HTR4: variants seen among roughly 807,000 people sequenced by gnomAD.
HTR4 encodes the protein 5-hydroxytryptamine receptor 4.
A neutral mutation model predicts 36.8 loss-of-function variants in HTR4; 16 were observed. The observed-to-expected ratio is 0.43, with a 90% CI of 0.29 to 0.66. HTR4 has a LOEUF of 0.66. Among genes scored for constraint, HTR4 ranks in the 30% least tolerant of loss-of-function variants. HTR4 has a pLI of 0.13. For synonymous variants in HTR4, 189 were observed against 185.1 expected (o/e 1.02, Z -0.17); for missense variants, 438 against 490.9 (o/e 0.89, Z 1.02).
chr5:148,580,935 A>T (rs1761107185), intron 2 of HTR4, among the ~76,000 whole-genome samples: 1 of 151,044 alleles, frequency 6.6e-6, no homozygotes, highest in African/African-American at 2.4e-5. Flanking sequence ...TTTTTTGAGG[A>T]CCCTCCATAC....
At chr5:148,590,289 T>A (rs1210162797) in intron 2 of HTR4, among the ~76,000 whole-genome samples, 2 of 37,156 alleles carry the variant, frequency 5.4e-5, no homozygotes, top group African/African-American at 3.4e-4. Flanking sequence ...TTTCTTTTCT[T>A]TTTTTTTTTT....
chr5:148,603,217 T>C (rs1762056400), intron 2 of HTR4, among the ~76,000 whole-genome samples: 1 of 152,044 alleles, frequency 6.6e-6, no homozygotes, highest in East Asian at 1.9e-4. Context: ...ATAATAGTTA[T>C]TTCATCATTG....
intron 2 of HTR4, among the ~76,000 whole-genome samples, chr5:148,591,677 G>C (rs1427968110): frequency 6.6e-6 from 1 of 152,126 alleles, no homozygotes; most frequent in Non-Finnish European, 1.5e-5. Flanking sequence ...AGACAAACAT[G>C]CTGCCAACAA....
At chr5:148,586,456 A>G (rs867279) in intron 2 of HTR4, among the ~76,000 whole-genome samples, 44,566 of 151,684 alleles carry the variant, frequency 0.29, 9,425 homozygotes, top group African/African-American at 0.6. Context: ...ATATTAGTCC[A>G]TTTTCACACA....
chr5:148,540,508 T>C (rs567862816), intron 4 of HTR4, among the ~76,000 whole-genome samples: 2 of 146,910 alleles, frequency 1.4e-5, no homozygotes, highest in South Asian at 4.3e-4. Context: ...AAAAAATAGG[T>C]GTGATTTGGC....
chr5:148,548,586 A>G, intron 4 of HTR4, 82 bp downstream of exon 4: 1 of 1,093,038 alleles, frequency 9.1e-7, no homozygotes, highest in Non-Finnish European at 1.4e-6. Flanking sequence ...TCTAATGAAT[A>G]AGAAAAGGCA....
intron 5 of HTR4, among the ~76,000 whole-genome samples, chr5:148,468,681 A>G (rs1755494125): frequency 1.3e-5 from 2 of 152,124 alleles, no homozygotes; most frequent in Non-Finnish European, 1.5e-5. Flanking sequence ...AGTGTATTTT[A>G]TTTATTCTGC....
At chr5:148,478,637 A>T (rs962357467), downstream of HTR4, among the ~76,000 whole-genome samples, 2 of 152,146 alleles carry the variant, frequency 1.3e-5, no homozygotes, top group Non-Finnish European at 2.9e-5. Flanking sequence ...TCCCAAGAAC[A>T]TTCCATCCAG....
At chr5:148,639,902 A>G (rs549827203) in intron 1 of HTR4, among the ~76,000 whole-genome samples, 13 of 152,246 alleles carry the variant, frequency 8.5e-5, no homozygotes, top group African/African-American at 3.1e-4. Flanking sequence ...ATTGTAATTT[A>G]AAGAATAGCA....
At chr5:148,543,489 T>C (rs1028838792) in intron 4 of HTR4, among the ~76,000 whole-genome samples, 4 of 152,138 alleles carry the variant, frequency 2.6e-5, no homozygotes, top group Non-Finnish European at 4.4e-5. Flanking sequence ...AGCAAGTTGG[T>C]AAAAACATTA....
At chr5:148,561,333 C>T (rs1005104016) in intron 2 of HTR4, among the ~76,000 whole-genome samples, 2 of 152,104 alleles carry the variant, frequency 1.3e-5, no homozygotes, top group Non-Finnish European at 2.9e-5. Flanking sequence ...TTTCTGAGGC[C>T]ATGCCTGAAT....
intron 5 of HTR4, among the ~76,000 whole-genome samples, chr5:148,458,179 A>G (rs1037268516): frequency 1.4e-5 from 2 of 146,528 alleles, no homozygotes; most frequent in East Asian, 2.0e-4. Flanking sequence ...ATATTTTAAT[A>G]TCTATTTAAT....
At chr5:148,490,677 G>A in intron 6 of HTR4, 2 of 1,185,768 alleles carry the variant, frequency 1.7e-6, no homozygotes, top group Non-Finnish European at 2.1e-6. Flanking sequence ...ACTTTTAATT[G>A]ACTGATGGTC....
intron 6 of HTR4, among the ~76,000 whole-genome samples, chr5:148,503,672 G>T (rs550882852): frequency 6.6e-6 from 1 of 152,270 alleles, no homozygotes; most frequent in African/African-American, 2.4e-5. Context: ...TCGGCTAAAT[G>T]CGCCAATTAA....
chr5:148,581,003 C>T (rs1248293658), intron 2 of HTR4, among the ~76,000 whole-genome samples: 1 of 142,046 alleles, frequency 7.0e-6, no homozygotes, highest in Non-Finnish European at 1.5e-5. Context: ...TTCTCCACAA[C>T]CTCACCAACA....
chr5:148,637,147 T>C, intron 1 of HTR4, 86 bp from the exon 2 acceptor site: 2 of 812,824 alleles, frequency 2.5e-6, no homozygotes, highest in East Asian at 2.6e-5. Context: ...CAAATAACTA[T>C]TGCTTCCTAT....
intron 5 of HTR4, among the ~76,000 whole-genome samples, chr5:148,465,356 C>T (rs1172604675): frequency 6.6e-6 from 1 of 152,114 alleles, no homozygotes; most frequent in African/African-American, 2.4e-5. Context: ...GATCTCTGTA[C>T]CTTCCCCTCA....
In HTR4 at chr5:148,510,964, C is replaced by A. The variant is rs570278770; in HGVS notation, c.508-940G>T. Among the ~76,000 whole-genome samples the A allele has an allele frequency of 3.9e-5, 6 of 152,290 alleles. No individual in the cohort carries two copies. The South Asian group carries it at 1.2e-3, about 32-fold the overall frequency. ...GGTCATGAGGGACTTTGGAACCCAA[C>A]CAGAGTTAGAACCTAGACAACACTC... On this transcript the variant is annotated intron_variant, in intron 5 of 6. Coordinates refer to ENST00000377888, the MANE Select transcript of HTR4 (RefSeq NM_000870.7).
At chr5:148,472,079 G>A (rs145394345), downstream of HTR4, among the ~76,000 whole-genome samples, 43 of 152,208 alleles carry the variant, frequency 2.8e-4, no homozygotes, top group East Asian at 5.6e-3. Context: ...TCTGCAAACC[G>A]GTCTGGAAGA....
Sources: allele counts gnomAD v4.1 joint callset (sites outside exome capture counted in the v4.1 genomes callset), GRCh38; gene constraint gnomAD v4.1.1; transcripts MANE v1.5; gene names NCBI Gene and HGNC (gene_info 2026-07-23, HGNC 2026-07-21).